Variants in LAMC3 observed in about 807,000 individuals in gnomAD.
LAMC3 encodes the protein laminin subunit gamma 3.
LAMC3 carries 128 observed loss-of-function variants against 173.8 expected under a neutral mutation model. The ratio of observed to expected loss-of-function variants is 0.74; its 90% CI spans 0.64 to 0.85. The LOEUF (loss-of-function observed/expected upper bound fraction) is 0.85. Among genes scored for constraint, LAMC3 ranks in the 40% least tolerant of loss-of-function variants. The pLI is 0.00. For missense variants in LAMC3, 2,022 were observed against 2,156.0 expected (o/e 0.94, Z 1.23); for synonymous variants, 897 against 909.1 (o/e 0.99, Z 0.24).
intron 1 of LAMC3, among the ~76,000 whole-genome samples, chr9:131,019,000 C>T (rs763469227): frequency 5.9e-5 from 9 of 152,240 alleles, no homozygotes; most frequent in Non-Finnish European, 1.2e-4. Context: ...CGGTGGCTCA[C>T]GCCTCTAATC....
Position 131,067,123 on chromosome 9 carries a change from C to T in LAMC3, c.2511C>T (p.Asn837=). The change falls in exon 14 of 28, where the codon AAC becomes AAT. Residue 837 remains asparagine, a synonymous_variant. Transcript: ENST00000361069. ...LSGHCLRCLH[N]TTGDHCEHCQ... ...GCCACTGCCTGCGCTGCCTGCACAA[C>T]ACCACGGGTGACCACTGTGAGCACT... 1.2e-6 allele frequency: 2 copies of T among 1,614,188 alleles called. No individual in the cohort carries two copies. The highest frequency in any genetic ancestry group is 1.1e-5 in the South Asian group (1 of 91,090).
Position 131,092,179 on chromosome 9 carries a change from T to C in LAMC3, c.*392T>C. 3.7e-6 allele frequency: 1 copy of C among 266,888 alleles called. No individual in the cohort carries two copies. The highest frequency in any genetic ancestry group is 4.7e-5 in the South Asian group (1 of 21,446). 16.5% of individuals were successfully genotyped at this position (266,888 alleles called of 1,614,324 possible). The stretch of plus-strand genomic sequence containing the variant: ...ACAGCTGTTGTGAGAGCCACCTGTG[T>C]GCTGGACACCCTCTGGATGTTGGGC... On this transcript the variant is annotated 3_prime_UTR_variant, in exon 28 of 28. Transcript: ENST00000361069.
Position 131,085,576 on chromosome 9 carries a change from G to A in LAMC3, c.4083G>A (p.Lys1361=), listed in dbSNP as rs369999864. The A allele has an allele frequency of 2.5e-6, 4 of 1,614,004 alleles. No homozygotes were observed. In the African/African-American group the frequency reaches 5.3e-5, roughly 22 times the overall value. The change falls in exon 25 of 28, where the codon AAG becomes AAA. Residue 1361 remains lysine, a synonymous_variant. Coordinates refer to ENST00000361069, the MANE Select transcript of LAMC3 (RefSeq NM_006059.4). Reference sequence around the variant, plus strand: ...AGGACCAGGCGGCATTGCAGAGGAAGGCAGACTCCGTCAGTGACAGACTCC... The same window carrying A: ...AGGACCAGGCGGCATTGCAGAGGAAAGCAGACTCCGTCAGTGACAGACTCC... ...RPKDQAALQR[K]ADSVSDRLLA...
At chr9:131,074,553 A>C (rs1263844273) in intron 20 of LAMC3, among the ~76,000 whole-genome samples, 1 of 150,404 alleles carries the variant, frequency 6.6e-6, no homozygotes, top group Non-Finnish European at 1.5e-5. Context: ...TAAATTAGCC[A>C]GGCATGGTGG....
intron 13 of LAMC3, among the ~76,000 whole-genome samples, chr9:131,062,943 C>T (rs1369155826): frequency 1.3e-5 from 2 of 151,978 alleles, no homozygotes; most frequent in African/African-American, 4.8e-5. Context: ...CAGCTGTTCT[C>T]CTCTCTGTCT....
At chr9:131,073,221 C>T (rs1164428798) in intron 19 of LAMC3, 24 bp from the exon 20 acceptor site, 1 of 1,588,890 alleles carries the variant, frequency 6.3e-7, no homozygotes, top group African/African-American at 1.3e-5. Flanking sequence ...CATCAGTTTC[C>T]TCCTCTTCCT....
intron 10 of LAMC3, 62 bp from the exon 11 acceptor site, chr9:131,052,788 C>A: frequency 6.5e-6 from 8 of 1,234,870 alleles, no homozygotes; most frequent in East Asian, 2.3e-5. Context: ...TACCCCCCAT[C>A]CCCAGGCATG....
Position 131,052,855 on chromosome 9 carries a change from A to C in LAMC3, c.1829A>C (p.Gln610Pro). Residue 610 changes from glutamine to proline, a missense_variant, in exon 11 of 28, where the codon CAG becomes CCG. Gln to Pro is a moderately conservative substitution (Grantham distance 76, BLOSUM62 -1). Coordinates refer to ENST00000361069, the MANE Select transcript of LAMC3 (RefSeq NM_006059.4). ...PREVELRFHL[Q>P]ETSEDVAPPL... ...TTGACCGCTTCTCTCGCCAGCCTGCAGGAGACCTCCGAGGACGTGGCCCCT... is the reference window on the plus strand; with the variant it reads ...TTGACCGCTTCTCTCGCCAGCCTGCCGGAGACCTCCGAGGACGTGGCCCCT... 1 of 1,586,476 alleles carries C rather than the reference A, an allele frequency of 6.3e-7. No homozygotes were observed. The highest frequency in any genetic ancestry group is 8.6e-7 in the Non-Finnish European group (1 of 1,167,608).
At chr9:131,052,734 C>G (rs1466059399) in intron 10 of LAMC3, 51 bp downstream of exon 10, 2 of 1,548,952 alleles carry the variant, frequency 1.3e-6, no homozygotes, top group Non-Finnish European at 8.9e-7. Flanking sequence ...GGGGTGGTCT[C>G]TGAGGTCCGG....
At chr9:131,078,604 C>A (rs568376183) in intron 22 of LAMC3, among the ~76,000 whole-genome samples, 1 of 152,350 alleles carries the variant, frequency 6.6e-6, no homozygotes, top group African/African-American at 2.4e-5. Context: ...CCACTGCGTG[C>A]GGAGAGTAAT....
rs7855179 is a variant in LAMC3, at chr9:131,039,473, A to G, written c.1283+225A>G. Among the ~76,000 whole-genome samples the G allele has an allele frequency of 1, 151,670 of 152,118 alleles. 75,613 individuals carry two copies. The highest frequency in any genetic ancestry group is 1 in the East Asian group (5,158 of 5,158). On this transcript the variant is annotated intron_variant, in intron 6 of 27. Coordinates refer to ENST00000361069, the MANE Select transcript of LAMC3 (RefSeq NM_006059.4). The stretch of plus-strand genomic sequence containing the variant: ...CCTGTGGAAGCTCAGCGGATCTTGC[A>G]GGTGGAGGGCAGGCTTCCTGTAGGA...
intron 21 of LAMC3, 42 bp downstream of exon 21, chr9:131,076,007 C>T: frequency 6.4e-7 from 1 of 1,559,688 alleles, no homozygotes. Context: ...TGGGGTTGGC[C>T]TCCTGGAGCC....
chr9:131,082,881 G>C (rs113646441), intron 24 of LAMC3, among the ~76,000 whole-genome samples: 1 of 152,138 alleles, frequency 6.6e-6, no homozygotes, highest in African/African-American at 2.4e-5. Context: ...TCCCTCCCCA[G>C]CCCTGCCCAC....
intron 13 of LAMC3, among the ~76,000 whole-genome samples, chr9:131,062,652 T>G (rs1233081218): frequency 1.3e-5 from 2 of 152,094 alleles, no homozygotes; most frequent in African/African-American, 2.4e-5. Flanking sequence ...GCGGATCACC[T>G]GCGGTCCGGA....
intron 4 of LAMC3, among the ~76,000 whole-genome samples, chr9:131,036,705 C>T (rs375094897): frequency 7.2e-5 from 11 of 152,318 alleles, no homozygotes; most frequent in Middle Eastern, 3.4e-3. Flanking sequence ...GCCTCTCCCA[C>T]GGGCCCCCAG....
At chr9:131,071,677 C>T (rs576718282) in intron 18 of LAMC3, 52 bp downstream of exon 18, 25 of 1,495,416 alleles carry the variant, frequency 1.7e-5, no homozygotes, top group East Asian at 1.2e-4. Context: ...AGGCCCCCAG[C>T]GCCTGCAGTC....
At chr9:131,036,684 T>A (rs182168504) in intron 4 of LAMC3, among the ~76,000 whole-genome samples, 229 of 152,294 alleles carry the variant, frequency 1.5e-3, no homozygotes, top group African/African-American at 5.1e-3. Flanking sequence ...GGGGTGCTGA[T>A]GGCCCACCCA....
In LAMC3 at chr9:131,029,340, T is replaced by G. The variant is rs920472774; in HGVS notation, c.679-2705T>G. Among the ~76,000 whole-genome samples the G allele has an allele frequency of 6.6e-6, 1 of 152,182 alleles. No homozygotes were observed. Among genetic ancestry groups the G allele is most frequent in the Admixed American group, 6.5e-5 (1 of 15,282 alleles). On this transcript the variant is annotated intron_variant, in intron 2 of 27. Transcript: ENST00000361069. This position sits in a 1 kb window ranked among gnomAD's most constrained non-coding sequence, Gnocchi z 4.6. ...TTTCTTCTCCACGGGGCTCCAAAGC[T>G]CTGTAGATTAGAAAACGTCACCCGA...
rs369239562 is a variant in LAMC3 at position 131,039,205 on chromosome 9, C to T, written c.1240C>T (p.Arg414Cys). Residue 414 changes from arginine (R) to cysteine (C), a missense_variant, in exon 6 of 28, where the codon CGC becomes TGC. By Grantham distance (180) the Arg-to-Cys change is radical. Coordinates refer to ENST00000361069, the MANE Select transcript of LAMC3 (RefSeq NM_006059.4). ...KPTVTGWKCD[R>C]CLPGFHSLSE... ...CACGGTGACTGGCTGGAAGTGTGACCGCTGTCTGCCCGGGTTCCACTCGCT... is the reference window on the plus strand; with the variant it reads ...CACGGTGACTGGCTGGAAGTGTGACTGCTGTCTGCCCGGGTTCCACTCGCT... 3.5e-5 allele frequency: 57 copies of T among 1,608,272 alleles called. No homozygotes were observed. The highest frequency in any genetic ancestry group is 1.8e-4 in the Admixed American group (11 of 59,984).
Sources: gnomAD v4.1 joint callset for allele counts (sites outside exome capture counted in the v4.1 genomes callset) on GRCh38, gnomAD v4.1.1 for gene constraint, Gnocchi (gnomAD v3.1) non-coding constraint, MANE v1.5 for transcripts, NCBI Gene and HGNC (gene_info 2026-07-23, HGNC 2026-07-21) for gene names.